KIF14: variants seen among roughly 807,000 people sequenced by gnomAD.
KIF14 encodes the protein kinesin-like protein KIF14.
A neutral mutation model predicts 176.2 loss-of-function variants in KIF14; 98 were observed. That is an observed-to-expected ratio of 0.56 (90% confidence interval 0.47 to 0.66). The LOEUF is 0.66. KIF14 is among the 30% of genes least tolerant of loss of function. The pLI is 0.00. For synonymous variants in KIF14, 566 were observed against 632.2 expected (o/e 0.90, Z 1.57); for missense variants, 1,751 against 1,920.4 (o/e 0.91, Z 1.65).
At chr1:200,606,964 A>G (rs540476328) in intron 5 of KIF14, among the ~76,000 whole-genome samples, 166 bp from the exon 6 acceptor site, 1 of 151,898 alleles carries the variant, frequency 6.6e-6, no homozygotes, top group South Asian at 2.1e-4. Context: ...TCTGTAAGGC[A>G]TTAGGAAACA....
chr1:200,612,361 A>G (rs955025061), intron 4 of KIF14, among the ~76,000 whole-genome samples: 4 of 152,152 alleles, frequency 2.6e-5, no homozygotes, highest in African/African-American at 9.7e-5. Context: ...CATTCCACGC[A>G]AAATCTGAGC....
intron 13 of KIF14, among the ~76,000 whole-genome samples, chr1:200,599,521 G>C (rs1659524953): frequency 6.6e-6 from 1 of 152,082 alleles, no homozygotes; most frequent in Non-Finnish European, 1.5e-5. Flanking sequence ...TTCTTCTCCT[G>C]AATTCTTATA....
chr1:200,575,250 C>T (rs1003170061), intron 22 of KIF14, among the ~76,000 whole-genome samples: 7 of 152,098 alleles, frequency 4.6e-5, no homozygotes, highest in African/African-American at 1.2e-4. Flanking sequence ...GCCACCACAC[C>T]TGGCCAGAGA....
At chr1:200,584,818 C>T (rs1489148746) in intron 19 of KIF14, among the ~76,000 whole-genome samples, 2 of 152,190 alleles carry the variant, frequency 1.3e-5, no homozygotes, top group African/African-American at 4.8e-5. Context: ...CTCACCACTT[C>T]TATTGAACAT....
intron 27 of KIF14, among the ~76,000 whole-genome samples, chr1:200,556,639 T>C (rs1455688208): frequency 6.6e-6 from 1 of 152,196 alleles, no homozygotes; most frequent in Admixed American, 6.5e-5. Flanking sequence ...TGCACCTACT[T>C]CAACAGCTTA....
chr1:200,570,021 C>T lies in KIF14; in HGVS notation c.3567-16G>A, dbSNP rs200617302. On this transcript the variant is annotated splice_polypyrimidine_tract_variant and intron_variant, in intron 22 of 29. Coordinates refer to ENST00000367350, the MANE Select transcript of KIF14 (RefSeq NM_014875.3). ...ACTCCTACTCCTGAAAAAAGACAAACCATAAGATTAGCAGTTCTATACCAC... is the reference window on the plus strand; with the variant it reads ...ACTCCTACTCCTGAAAAAAGACAAATCATAAGATTAGCAGTTCTATACCAC... 2.8e-5 allele frequency: 40 copies of T among 1,419,666 alleles called. No homozygotes were observed. In the African/African-American group the frequency reaches 4.9e-4, roughly 17 times the overall value. The allele number at this position is 1,419,666 out of a possible 1,614,324, so 87.9% of individuals were successfully genotyped here. A position where few individuals can be genotyped will look rare whatever the true frequency, so the allele number is the denominator to read the frequency against.
At chr1:200,590,373 T>G in intron 16 of KIF14, 101 bp from the exon 17 acceptor site, 1 of 1,046,602 alleles carries the variant, frequency 9.6e-7, no homozygotes, top group South Asian at 2.3e-5. Context: ...AATGAAAGTT[T>G]CAATCTTAAA....
chr1:200,570,473 C>A (rs1368255587), intron 22 of KIF14, among the ~76,000 whole-genome samples: 2 of 152,182 alleles, frequency 1.3e-5, no homozygotes, highest in Non-Finnish European at 2.9e-5. Context: ...AAACAGAGGG[C>A]AGGCTTGGGA....
chr1:200,613,787 C>A (rs769953402), intron 4 of KIF14, among the ~76,000 whole-genome samples: 6 of 151,926 alleles, frequency 3.9e-5, no homozygotes, highest in Non-Finnish European at 5.9e-5. Context: ...ACTGATCTAA[C>A]AAGCTGCCTG....
chr1:200,586,096 C>A lies in KIF14; in HGVS notation c.3241+5G>T. 6.5e-7 allele frequency: 1 copy of A among 1,529,624 alleles called. No homozygotes were observed. The highest frequency in any genetic ancestry group is 8.9e-7 in the Non-Finnish European group (1 of 1,127,632). The allele number at this position is 1,529,624 out of a possible 1,614,324, so 94.8% of individuals were successfully genotyped here. A position where few individuals can be genotyped will look rare whatever the true frequency, so the allele number is the denominator to read the frequency against. The stretch of plus-strand genomic sequence containing the variant: ...AAATGTTTGCTAAAATCAGCACACA[C>A]TTACCTGTAAAAGTTTTATCCCTAT... On this transcript the variant is annotated splice_donor_5th_base_variant and intron_variant, in intron 19 of 29. Coordinates refer to ENST00000367350, the MANE Select transcript of KIF14 (RefSeq NM_014875.3).
At position 200,596,009 on chromosome 1, in the gene KIF14, C is replaced by A. The variant is rs1167541185; in HGVS notation, c.2549+2228G>T. Among the ~76,000 whole-genome samples the A allele has an allele frequency of 2.0e-5, 3 of 150,654 alleles. No individual in the cohort carries two copies. The East Asian group carries it at 5.8e-4, about 29-fold the overall frequency. ...GTAGCTCACACCTGTAATCCCAGCA[C>A]TTTGGGAGGTCAAGGTGGGCGGATC... On this transcript the variant is annotated intron_variant, in intron 14 of 29. Transcript: ENST00000367350.
chr1:200,593,518 G>C, intron 15 of KIF14, 149 bp downstream of exon 15: 1 of 616,988 alleles, frequency 1.6e-6, no homozygotes, highest in Non-Finnish European at 2.8e-6. Flanking sequence ...GCACAAGAAA[G>C]CAATTAATAG....
chr1:200,560,997 G>A (rs940901488), intron 25 of KIF14, 117 bp from the exon 26 acceptor site: 58 of 838,850 alleles, frequency 6.9e-5, no homozygotes, highest in Middle Eastern at 3.3e-4. Flanking sequence ...TTGGGAGGCC[G>A]AGGCGGGTGG....
Position 200,618,227 on chromosome 1 carries a change from A to G in KIF14, c.497T>C (p.Ile166Thr). 1.2e-6 allele frequency: 2 copies of G among 1,613,910 alleles called. No individual in the cohort carries two copies. The highest frequency in any genetic ancestry group is 1.7e-6 in the Non-Finnish European group (2 of 1,180,012). ...AAAAGAGTTTTTAGCATTATTTACA[A>G]TCCTTACATTTGTTCTACTTTCCTT... is the stretch of plus-strand genomic sequence containing the variant. ...VSKESRTNVR[I>T]VNNAKNSFVA... Residue 166 changes from isoleucine (I) to threonine (T), a missense_variant, in exon 2 of 30, where the codon ATT becomes ACT. By Grantham distance (89) the Ile-to-Thr change is moderately conservative. Transcript: ENST00000367350.
At chr1:200,596,888 CTTTTTTTT>C (rs993346438) in intron 14 of KIF14, among the ~76,000 whole-genome samples, 1 of 99,212 alleles carries the variant, frequency 1.0e-5, no homozygotes. Context: ...CTCTCTCTCT[CTTTTTTTT>C]TTTTTTTTTT....
intron 4 of KIF14, among the ~76,000 whole-genome samples, chr1:200,609,525 T>G (rs1023013954): frequency 6.6e-6 from 1 of 152,168 alleles, no homozygotes; most frequent in Non-Finnish European, 1.5e-5. Context: ...GCCGGGCGCC[T>G]GTAATCCCAG....
At chr1:200,571,210 G>A (rs1002630909) in intron 22 of KIF14, among the ~76,000 whole-genome samples, 2 of 151,768 alleles carry the variant, frequency 1.3e-5, no homozygotes, top group African/African-American at 2.4e-5. Context: ...AGCTACTCGG[G>A]AGGCTGAGGC....
chr1:200,580,331 G>A lies in KIF14; in HGVS notation c.3388C>T (p.Leu1130=), dbSNP rs768038028. 1 of 1,527,414 alleles carries A rather than the reference G, an allele frequency of 6.5e-7. No homozygotes were observed. The highest frequency in any genetic ancestry group is 8.8e-7 in the Non-Finnish European group (1 of 1,131,922). The allele number at this position is 1,527,414 out of a possible 1,614,324, so 94.6% of individuals were successfully genotyped here. ...CAGAATGTTGAGATTCCTAGTTTCA[G>A]GTTACGAACCCGAATAGAAGTGTCA... is the stretch of plus-strand genomic sequence containing the variant. ...SSDTSIRVRN[L]KLGISTFWSL... The change falls in exon 21 of 30, where the codon CTG becomes TTG. Residue 1130 remains leucine (L), a synonymous_variant. Coordinates refer to ENST00000367350, the MANE Select transcript of KIF14 (RefSeq NM_014875.3).
intron 23 of KIF14, among the ~76,000 whole-genome samples, chr1:200,567,635 G>T (rs1349966923): frequency 6.6e-6 from 1 of 151,714 alleles, no homozygotes; most frequent in Non-Finnish European, 1.5e-5. Flanking sequence ...AGAAATAAAT[G>T]AGAAGCTTGA....
Sources: allele counts gnomAD v4.1 joint callset (sites outside exome capture counted in the v4.1 genomes callset), GRCh38; gene constraint gnomAD v4.1.1; transcripts MANE v1.5; gene names NCBI Gene and HGNC (gene_info 2026-07-23, HGNC 2026-07-21).